Variants in LARGE1 observed in about 807,000 individuals in gnomAD.
LARGE1 encodes the protein xylosyl- and glucuronyltransferase LARGE1.
In LARGE1, 43 loss-of-function variants were observed where a neutral mutation model predicts 87.6. The observed-to-expected ratio is 0.49, with a 90% CI of 0.38 to 0.63. The LOEUF is 0.63. Ranked by LOEUF, LARGE1 falls within the 30% of genes least tolerant of loss-of-function variation. LARGE1 has a pLI of 0.00. For synonymous variants in LARGE1, 434 were observed against 394.6 expected (o/e 1.10, Z -1.18); for missense variants, 802 against 1,000.2 (o/e 0.80, Z 2.67).
At chr22:33,566,152 A>C (rs1165156681) in intron 5 of LARGE1, among the ~76,000 whole-genome samples, 1 of 152,214 alleles carries the variant, frequency 6.6e-6, no homozygotes, top group Non-Finnish European at 1.5e-5. Flanking sequence ...TGTTTTAGAC[A>C]CCAAAGTTTT....
the LARGE1 span, among the ~76,000 whole-genome samples, chr22:33,083,120 C>T: frequency 6.6e-6 from 1 of 152,098 alleles, no homozygotes; most frequent in South Asian, 2.1e-4. Context: ...GGTTTTATTG[C>T]CTTTTCTTAT....
At chr22:33,602,614 C>CT (rs2079141486) in intron 5 of LARGE1, among the ~76,000 whole-genome samples, 2 of 152,156 alleles carry the variant, frequency 1.3e-5, no homozygotes, top group Non-Finnish European at 2.9e-5. Flanking sequence ...AGTGATCCCC[C>CT]TGCCCTCAGC....
At chr22:33,879,616 G>C (rs1254862487) in intron 1 of LARGE1, among the ~76,000 whole-genome samples, 3 of 152,166 alleles carry the variant, frequency 2.0e-5, no homozygotes, top group Admixed American at 6.5e-5. Context: ...TATTCTGGCA[G>C]GTCTGGCTCA....
intron 5 of LARGE1, among the ~76,000 whole-genome samples, chr22:33,578,626 G>A (rs1276121936): frequency 2.6e-5 from 4 of 152,130 alleles, no homozygotes; most frequent in South Asian, 4.1e-4. Flanking sequence ...GTGTGATGTA[G>A]ACATCAAGGA....
At chr22:33,094,319 G>A in the LARGE1 span, among the ~76,000 whole-genome samples, 12 of 152,022 alleles carry the variant, frequency 7.9e-5, no homozygotes, top group Non-Finnish European at 1.6e-4. Context: ...TGCACGGACC[G>A]TTGCACTAAG....
At chr22:33,727,296 T>C (rs1006670759) in intron 2 of LARGE1, among the ~76,000 whole-genome samples, 2 of 152,232 alleles carry the variant, frequency 1.3e-5, no homozygotes, top group African/African-American at 4.8e-5. Context: ...AATTAGCATC[T>C]GTTTGGGGCT....
chr22:33,668,050 C>A (rs1317172202), intron 2 of LARGE1, among the ~76,000 whole-genome samples: 2 of 152,142 alleles, frequency 1.3e-5, no homozygotes, highest in Admixed American at 6.5e-5. Flanking sequence ...CTTCTTAAGG[C>A]AATTTGCTTT....
At chr22:33,709,490 C>G (rs2082661808) in intron 2 of LARGE1, among the ~76,000 whole-genome samples, 1 of 152,152 alleles carries the variant, frequency 6.6e-6, no homozygotes, top group Non-Finnish European at 1.5e-5. Flanking sequence ...GAATGCACGC[C>G]AAGACTGCAC....
At chr22:33,192,953 C>T (rs1923863981) in intron 11 of LARGE1, among the ~76,000 whole-genome samples, 1 of 152,134 alleles carries the variant, frequency 6.6e-6, no homozygotes, top group East Asian at 1.9e-4. Flanking sequence ...TTCTTGGTAT[C>T]TTTGTCGAAG....
chr22:33,526,351 C>G (rs955172944), intron 6 of LARGE1, among the ~76,000 whole-genome samples: 1 of 152,154 alleles, frequency 6.6e-6, no homozygotes, highest in African/African-American at 2.4e-5. Context: ...GGCCTGTTTT[C>G]GCCACAGATG....
chr22:33,402,674 C>T (rs1309211231), intron 7 of LARGE1, among the ~76,000 whole-genome samples: 9 of 152,152 alleles, frequency 5.9e-5, no homozygotes, highest in Non-Finnish European at 1.3e-4. Flanking sequence ...CTCAGCATAG[C>T]ACAGTGACTA....
At chr22:33,408,329 T>C (rs1423150361) in intron 7 of LARGE1, among the ~76,000 whole-genome samples, 1 of 152,244 alleles carries the variant, frequency 6.6e-6, no homozygotes, top group Non-Finnish European at 1.5e-5. Context: ...AGTACATAAT[T>C]GTTTTGAGTA....
the LARGE1 span, among the ~76,000 whole-genome samples, chr22:33,141,192 T>TCACA: frequency 7.4e-5 from 10 of 135,440 alleles, no homozygotes; most frequent in Admixed American, 1.4e-4. Flanking sequence ...TCTCTCTCTC[T>TCACA]CTCACACACA....
At chr22:33,165,040 T>C (rs1427294291) in exon 12 of LARGE1, 1 of 152,152 alleles carries the variant, frequency 6.6e-6, no homozygotes, top group East Asian at 1.9e-4. Context: ...AAACTAACTA[T>C]GGATACTATG....
chr22:33,252,295 A>C (rs1435244271), intron 11 of LARGE1, among the ~76,000 whole-genome samples: 1 of 131,858 alleles, frequency 7.6e-6, no homozygotes, highest in Non-Finnish European at 1.6e-5. Flanking sequence ...TATATCTAGA[A>C]TCCCTCCTTT....
intron 1 of LARGE1, among the ~76,000 whole-genome samples, chr22:33,874,111 T>C (rs2064390831): frequency 6.6e-6 from 1 of 152,100 alleles, no homozygotes; most frequent in South Asian, 2.1e-4. Flanking sequence ...CACAGGCCGC[T>C]TTTTGCATCC....
chr22:33,648,464 C>T (rs137989561), intron 3 of LARGE1, among the ~76,000 whole-genome samples: 1 of 152,206 alleles, frequency 6.6e-6, no homozygotes, highest in African/African-American at 2.4e-5. Flanking sequence ...TCGTTTTGGG[C>T]CATCTCACCT....
chr22:33,337,924 T>C (rs1938670779), intron 9 of LARGE1, 123 bp from the exon 10 acceptor site: 2 of 1,104,462 alleles, frequency 1.8e-6, no homozygotes, highest in Non-Finnish European at 2.6e-6. Flanking sequence ...CATTCGCTCA[T>C]TCAACATTTT....
intron 10 of LARGE1, among the ~76,000 whole-genome samples, chr22:33,324,567 A>G (rs1321914005): frequency 6.6e-6 from 1 of 152,208 alleles, no homozygotes; most frequent in Non-Finnish European, 1.5e-5. Context: ...GCAGAGGGAA[A>G]TTTGGACCCA....
Sources: gnomAD v4.1 joint callset for allele counts (sites outside exome capture counted in the v4.1 genomes callset) on GRCh38, gnomAD v4.1.1 for gene constraint, MANE v1.5 for transcripts, NCBI Gene and HGNC (gene_info 2026-07-23, HGNC 2026-07-21) for gene names.